PTPRD: variants seen among roughly 807,000 people sequenced by gnomAD.
PTPRD encodes protein tyrosine phosphatase receptor type D.
A neutral mutation model predicts 214.5 loss-of-function variants in PTPRD; 34 were observed. That is an observed-to-expected ratio of 0.16 (90% confidence interval 0.12 to 0.21). PTPRD has a LOEUF of 0.21. Ranked by LOEUF, PTPRD falls within the 10% of genes least tolerant of loss-of-function variation. The probability of loss-of-function intolerance (pLI) is 1.00; values close to 1 mark genes in which losing one functional copy is unlikely to be tolerated. For missense variants in PTPRD, 2,545 were observed against 2,398.7 expected (o/e 1.06, Z -1.27); for synonymous variants, 1,128 against 845.7 (o/e 1.33, Z -5.79).
Position 9,851,261 on chromosome 9 carries a change from T to G in PTPRD, c.-367-84410A>C, listed in dbSNP as rs541527702. Among the ~76,000 whole-genome samples, 15 of 152,336 alleles carry G rather than the reference T, an allele frequency of 9.8e-5. No homozygotes were observed. The East Asian group carries it at 2.9e-3, about 29-fold the overall frequency. On this transcript the variant is annotated intron_variant, in intron 5 of 45. Transcript: ENST00000381196. ...GTGTCTCTGAGTGAAACTTGTCTCC[T>G]GAGGGTTAATGCAGTATCGTATTGC...
intron 11 of PTPRD, among the ~76,000 whole-genome samples, chr9:8,808,740 A>G (rs552580598): frequency 2.4e-3 from 364 of 152,240 alleles, no homozygotes; most frequent in Middle Eastern, 0.014. Context: ...CGGTTATCAA[A>G]AGACCACCTG....
chr9:10,033,300 G>A (rs563109497), intron 4 of PTPRD, among the ~76,000 whole-genome samples: 2 of 151,712 alleles, frequency 1.3e-5, no homozygotes, highest in African/African-American at 4.8e-5. Context: ...TTGACTTTAT[G>A]GCATAAAATG....
At chr9:9,719,035 G>C (rs911568825) in intron 7 of PTPRD, among the ~76,000 whole-genome samples, 2 of 152,150 alleles carry the variant, frequency 1.3e-5, no homozygotes, top group African/African-American at 4.8e-5. Flanking sequence ...CAGTGACCTG[G>C]AGTCAGAACT....
intron 8 of PTPRD, among the ~76,000 whole-genome samples, chr9:9,401,767 C>G (rs1249725716): frequency 6.6e-6 from 1 of 151,962 alleles, no homozygotes; most frequent in Non-Finnish European, 1.5e-5. Flanking sequence ...GTGGTTACCT[C>G]TATGCTGCTG....
At chr9:8,443,956 C>T (rs1031524221) in intron 34 of PTPRD, among the ~76,000 whole-genome samples, 4 of 152,120 alleles carry the variant, frequency 2.6e-5, no homozygotes, top group Admixed American at 2.0e-4. Context: ...TTATTTTCAT[C>T]ATTTTGCCCA....
At chr9:9,625,113 A>G (rs769576388) in intron 7 of PTPRD, among the ~76,000 whole-genome samples, 13 of 152,196 alleles carry the variant, frequency 8.5e-5, no homozygotes, top group Non-Finnish European at 1.5e-4. Context: ...CCAAGCCATT[A>G]AAGTCCACAG....
At chr9:10,604,908 A>G (rs73642027) in intron 2 of PTPRD, among the ~76,000 whole-genome samples, 12,343 of 151,946 alleles carry the variant, frequency 0.081, 1,156 homozygotes, top group African/African-American at 0.22. Context: ...ACAATATATC[A>G]TCTTGGCACT....
rs182404903 is a variant in PTPRD, at chr9:8,900,572, G to A, written c.-104+118125C>T. ...GTTTGCCCAGAATTTGACCCTGCATGGTGGTGCTCCACCAATTTTCCTTTT... is the reference window on the plus strand; with the variant it reads ...GTTTGCCCAGAATTTGACCCTGCATAGTGGTGCTCCACCAATTTTCCTTTT... On this transcript the variant is annotated intron_variant, in intron 11 of 45. Transcript: ENST00000381196. 2.6e-5 allele frequency among the ~76,000 whole-genome samples: 4 copies of A among 152,282 alleles called. No individual in the cohort carries two copies. The East Asian group carries it at 7.7e-4, about 29-fold the overall frequency.
intron 39 of PTPRD, among the ~76,000 whole-genome samples, chr9:8,373,689 A>G (rs2082228742): frequency 6.7e-6 from 1 of 149,172 alleles, no homozygotes; most frequent in Non-Finnish European, 1.5e-5. Flanking sequence ...CAGCTATTTA[A>G]TCTTATCTCT....
chr9:9,923,696 A>C (rs2083315938), intron 5 of PTPRD, among the ~76,000 whole-genome samples: 1 of 152,018 alleles, frequency 6.6e-6, no homozygotes, highest in Non-Finnish European at 1.5e-5. Context: ...TTAAAATCTC[A>C]AGAAAATGCT....
intron 36 of PTPRD, among the ~76,000 whole-genome samples, chr9:8,394,883 G>GA (rs2090670848): frequency 6.6e-6 from 1 of 152,098 alleles, no homozygotes; most frequent in South Asian, 2.1e-4. Context: ...AAAGCAAGAG[G>GA]AAGTAGTGGT....
At chr9:9,080,960 A>G (rs571099786) in intron 10 of PTPRD, among the ~76,000 whole-genome samples, 1 of 151,946 alleles carries the variant, frequency 6.6e-6, no homozygotes, top group African/African-American at 2.4e-5. Flanking sequence ...GGATTCACTG[A>G]TTTTTTTAAA....
At chr9:10,400,425 T>C (rs2098251011) in intron 2 of PTPRD, among the ~76,000 whole-genome samples, 1 of 151,774 alleles carries the variant, frequency 6.6e-6, no homozygotes, top group Admixed American at 6.6e-5. Flanking sequence ...TTTTTCTTTA[T>C]AATAATGTAA....
intron 10 of PTPRD, among the ~76,000 whole-genome samples, chr9:9,181,612 C>T (rs1037136290): frequency 1.3e-5 from 2 of 151,888 alleles, no homozygotes; most frequent in East Asian, 3.9e-4. Flanking sequence ...TAATTATTAT[C>T]TTTATTTAAC....
chr9:8,448,662 G>A (rs1391655961), intron 34 of PTPRD, among the ~76,000 whole-genome samples: 3 of 152,052 alleles, frequency 2.0e-5, no homozygotes, highest in Admixed American at 6.6e-5. Context: ...TAGCCACACT[G>A]AAAATGCTAA....
chr9:10,202,481 G>GAA (rs58186376), intron 3 of PTPRD, among the ~76,000 whole-genome samples: 38 of 143,070 alleles, frequency 2.7e-4, no homozygotes, highest in Admixed American at 4.9e-4. Flanking sequence ...TAAATAAAAT[G>GAA]AAAAAAAAAA....
At chr9:9,612,467 A>C (rs1403452510) in intron 7 of PTPRD, among the ~76,000 whole-genome samples, 1 of 152,170 alleles carries the variant, frequency 6.6e-6, no homozygotes, top group African/African-American at 2.4e-5. Context: ...TGTTTTGCTG[A>C]GGCCAGAGTG....
At chr9:10,079,867 G>A (rs1590561963) in intron 3 of PTPRD, among the ~76,000 whole-genome samples, 1 of 151,790 alleles carries the variant, frequency 6.6e-6, no homozygotes, top group Middle Eastern at 3.5e-3. Flanking sequence ...TTAGATGTTT[G>A]CTATGAATAA....
chr9:9,728,813 GTGTAGATA>G (rs1183717085), intron 7 of PTPRD, among the ~76,000 whole-genome samples: 2 of 152,086 alleles, frequency 1.3e-5, no homozygotes, highest in African/African-American at 2.4e-5. Flanking sequence ...ACCATTTTGA[GTGTAGATA>G]TGTATCTTGT....
Sources: gnomAD v4.1 joint callset for allele counts (sites outside exome capture counted in the v4.1 genomes callset) on GRCh38, gnomAD v4.1.1 for gene constraint, MANE v1.5 for transcripts, NCBI Gene and HGNC (gene_info 2026-07-23, HGNC 2026-07-21) for gene names.